The following SORCS3 variants were observed in gnomAD, a reference collection of about 807,000 sequenced individuals.
The protein encoded by SORCS3 is VPS10 domain-containing receptor SorCS3.
A neutral mutation model predicts 146.3 loss-of-function variants in SORCS3; 57 were observed. That is an observed-to-expected ratio of 0.39 (90% CI 0.31 to 0.49). SORCS3 has a LOEUF of 0.49. Among genes scored for constraint, SORCS3 ranks in the 20% least tolerant of loss-of-function variants. The probability of loss-of-function intolerance (pLI) is 0.92; values close to 1 mark genes in which losing one functional copy is unlikely to be tolerated. For synonymous variants in SORCS3, 653 were observed against 618.5 expected (o/e 1.06, Z -0.83); for missense variants, 1,341 against 1,575.5 (o/e 0.85, Z 2.52).
At chr10:105,073,295 G>T (rs1354799860) in intron 5 of SORCS3, among the ~76,000 whole-genome samples, 1 of 152,100 alleles carries the variant, frequency 6.6e-6, no homozygotes, top group Non-Finnish European at 1.5e-5. Context: ...CTTGCAGGGG[G>T]ATTTGGATAC....
At chr10:105,217,207 GC>G in intron 19 of SORCS3, 85 bp downstream of exon 19, 1 of 1,407,606 alleles carries the variant, frequency 7.1e-7, no homozygotes, top group Non-Finnish European at 9.9e-7. Context: ...TCAGAGCTGA[GC>G]CCAGGTTCAG....
chr10:105,065,996 G>A (rs2055520283), intron 5 of SORCS3, among the ~76,000 whole-genome samples: 1 of 152,076 alleles, frequency 6.6e-6, no homozygotes, highest in African/African-American at 2.4e-5. Context: ...GTACTTAAAG[G>A]ATTTCTATTT....
chr10:105,015,436 T>C (rs2055159332), intron 4 of SORCS3, among the ~76,000 whole-genome samples: 1 of 152,156 alleles, frequency 6.6e-6, no homozygotes, highest in South Asian at 2.1e-4. Context: ...TGAAAATTGA[T>C]GAACTAAGTC....
chr10:104,843,758 T>G (rs1229905045), intron 2 of SORCS3, among the ~76,000 whole-genome samples: 1 of 152,254 alleles, frequency 6.6e-6, no homozygotes, highest in African/African-American at 2.4e-5. Context: ...CACATTGACG[T>G]GCAGTCACAC....
chr10:105,247,347 CTT>C lies in SORCS3; in HGVS notation c.3105+22_3105+23del. On this transcript the variant is annotated intron_variant, in intron 22 of 26. Coordinates refer to ENST00000369701, the MANE Select transcript of SORCS3 (RefSeq NM_014978.3). Reference sequence around the variant, plus strand: ...TCTGGTTAAAGTAAGTTGGCTTTGTCTTTTTTTAAGTTCTTGTGAATAAAGAA... The same window carrying C: ...TCTGGTTAAAGTAAGTTGGCTTTGTCTTTTTAAGTTCTTGTGAATAAAGAA... 6.8e-7 allele frequency: 1 copy of C among 1,467,750 alleles called. No homozygotes were observed. The highest frequency in any genetic ancestry group is 9.5e-7 in the Non-Finnish European group (1 of 1,049,932). 90.9% of individuals were successfully genotyped at this position (1,467,750 alleles called of 1,614,324 possible).
chr10:105,188,643 T>G (rs2056493828), intron 14 of SORCS3, among the ~76,000 whole-genome samples: 1 of 152,232 alleles, frequency 6.6e-6, no homozygotes, highest in African/African-American at 2.4e-5. Flanking sequence ...AGTTCTCTAA[T>G]TTCTTCAAGG....
In SORCS3 at chr10:104,789,028, G is replaced by C. The variant is rs187031116; in HGVS notation, c.628-53764G>C. ...CTCCTAGCTTCCTCTTCCAGTGGCT[G>C]GTTATTCTTCAGCAGGGTGAGGGGG... On this transcript the variant is annotated intron_variant, in intron 1 of 26. Transcript: ENST00000369701. Among the ~76,000 whole-genome samples, 339 of 152,292 alleles carry C rather than the reference G, an allele frequency of 2.2e-3. 1 individual carries two copies. Among genetic ancestry groups the C allele is most frequent in the Non-Finnish European group, 3.7e-3 (255 of 68,018 alleles).
intron 6 of SORCS3, among the ~76,000 whole-genome samples, chr10:105,100,248 A>C (rs1425954261): frequency 6.6e-6 from 1 of 152,226 alleles, no homozygotes. Flanking sequence ...AGCTCTTAGA[A>C]ATATATTAGG....
intron 17 of SORCS3, among the ~76,000 whole-genome samples, chr10:105,214,201 A>G (rs2056651185): frequency 6.6e-6 from 1 of 152,164 alleles, no homozygotes; most frequent in African/African-American, 2.4e-5. Context: ...CTCACCAGGT[A>G]GGATCAATAA....
intron 7 of SORCS3, among the ~76,000 whole-genome samples, chr10:105,117,637 C>T (rs1289118058): frequency 6.6e-6 from 1 of 152,166 alleles, no homozygotes; most frequent in African/African-American, 2.4e-5. Context: ...TTCTTTGAAC[C>T]TACACCCCTC....
chr10:104,772,368 G>C (rs994805220), intron 1 of SORCS3, among the ~76,000 whole-genome samples: 9 of 152,116 alleles, frequency 5.9e-5, no homozygotes, highest in African/African-American at 2.2e-4. Flanking sequence ...TCACAGTTTT[G>C]GCATTGATCC....
chr10:104,745,636 G>A (rs976622513), intron 1 of SORCS3, among the ~76,000 whole-genome samples: 1 of 152,136 alleles, frequency 6.6e-6, no homozygotes, highest in African/African-American at 2.4e-5. Context: ...ATATAATAGA[G>A]AATTGTTGAC....
At chr10:104,855,349 C>T (rs1441892819) in intron 2 of SORCS3, among the ~76,000 whole-genome samples, 2 of 152,126 alleles carry the variant, frequency 1.3e-5, no homozygotes, top group Non-Finnish European at 2.9e-5. Context: ...CTCTGTTTGC[C>T]AAAATCAAAA....
chr10:104,701,504 CA>C (rs2016279162), intron 1 of SORCS3, among the ~76,000 whole-genome samples: 3 of 152,208 alleles, frequency 2.0e-5, no homozygotes, highest in Non-Finnish European at 4.4e-5. Flanking sequence ...AGAGCCCATT[CA>C]AATCCATTGG....
At chr10:104,923,662 A>G (rs1299120908) in intron 3 of SORCS3, among the ~76,000 whole-genome samples, 1 of 152,198 alleles carries the variant, frequency 6.6e-6, no homozygotes, top group East Asian at 1.9e-4. Flanking sequence ...CAAGTGTTGC[A>G]ATAGGGAGTG....
chr10:104,712,561 T>TAGGTGAG (rs2016431278), intron 1 of SORCS3, among the ~76,000 whole-genome samples: 2 of 152,164 alleles, frequency 1.3e-5, no homozygotes, highest in Non-Finnish European at 2.9e-5. Context: ...AGGATTCCTT[T>TAGGTGAG]CTTGTCATAG....
At position 104,899,819 on chromosome 10, in the gene SORCS3, T is replaced by C. The variant is rs114274007; in HGVS notation, c.696-16014T>C. ...TTTATTGAGCTGAATGTGCCAAGCA[T>C]TAGGTCAACATTTTCTTTACTCATC... On this transcript the variant is annotated intron_variant, in intron 2 of 26. Transcript: ENST00000369701. Among the ~76,000 whole-genome samples the C allele has an allele frequency of 8.2e-3, 1,250 of 152,222 alleles. 21 individuals are homozygous for C. Among genetic ancestry groups the C allele is most frequent in the African/African-American group, 0.029 (1,203 of 41,532 alleles).
chr10:104,701,699 C>T (rs1463396173), intron 1 of SORCS3, among the ~76,000 whole-genome samples: 1 of 152,126 alleles, frequency 6.6e-6, no homozygotes, highest in Non-Finnish European at 1.5e-5. Flanking sequence ...ATCCTAAGTG[C>T]AGTGGTAATG....
chr10:104,694,355 C>T (rs932101316), intron 1 of SORCS3, among the ~76,000 whole-genome samples: 12 of 151,776 alleles, frequency 7.9e-5, no homozygotes, highest in African/African-American at 2.9e-4. Flanking sequence ...CCTACCTCTC[C>T]AGCTCACCTT....
Sources: gnomAD v4.1 joint callset for allele counts (sites outside exome capture counted in the v4.1 genomes callset) on GRCh38, gnomAD v4.1.1 for gene constraint, MANE v1.5 for transcripts, NCBI Gene and HGNC (gene_info 2026-07-23, HGNC 2026-07-21) for gene names.